The following RTN4 variants were observed in gnomAD, a reference collection of about 807,000 sequenced individuals.
RTN4 encodes reticulon-4.
A neutral mutation model predicts 90.4 loss-of-function variants in RTN4; 32 were observed. That is an observed-to-expected ratio of 0.35 (90% confidence interval 0.27 to 0.48). The LOEUF (loss-of-function observed/expected upper bound fraction) is 0.48, where lower values mean the gene tolerates loss of function less well. Ranked by LOEUF, RTN4 falls within the 20% of genes least tolerant of loss-of-function variation. The pLI, the probability that RTN4 is intolerant of heterozygous loss-of-function variation, is 0.99. For synonymous variants in RTN4, 629 were observed against 552.5 expected (o/e 1.14, Z -1.94); for missense variants, 1,706 against 1,430.2 (o/e 1.19, Z -3.11).
At chr2:55,115,963 T>G (rs1668117122), upstream of RTN4, among the ~76,000 whole-genome samples, 1 of 152,202 alleles carries the variant, frequency 6.6e-6, no homozygotes, top group Non-Finnish European at 1.5e-5. Context: ...GCTAGTAAGC[T>G]AGTGCTTTGT....
intron 1 of RTN4, among the ~76,000 whole-genome samples, chr2:55,035,492 T>G (rs1024656427): frequency 6.6e-6 from 1 of 152,190 alleles, no homozygotes; most frequent in East Asian, 1.9e-4. Context: ...GAGAAATGTA[T>G]AGCTTTTAAA....
At chr2:55,090,391 G>A (rs920385345) in intron 1 of RTN4, among the ~76,000 whole-genome samples, 1 of 152,182 alleles carries the variant, frequency 6.6e-6, no homozygotes. Context: ...CTTTAATGCA[G>A]TTCCCTGCAC....
rs149657075 is a variant in RTN4, at chr2:55,105,957, G to A, written c.-214+6563C>T. ...ATCATGCCACTGCAAGCCAGCCTGGGTGACAGGAGGAGACCCCCATCTCTA... is the reference window on the plus strand; with the variant it reads ...ATCATGCCACTGCAAGCCAGCCTGGATGACAGGAGGAGACCCCCATCTCTA... On this transcript the variant is annotated intron_variant, in intron 1 of 3. Transcript: ENST00000427710. 6.8e-4 allele frequency among the ~76,000 whole-genome samples: 104 copies of A among 152,212 alleles called. No homozygotes were observed. The East Asian group carries it at 0.02, about 29-fold the overall frequency.
intron 3 of RTN4, chr2:55,010,407 A>C (rs1680548501): frequency 1.7e-5 from 21 of 1,202,724 alleles, no homozygotes; most frequent in Non-Finnish European, 2.2e-5. Context: ...TGCTCATACC[A>C]AATGGAGCTG....
chr2:55,102,360 G>A (rs907974091), intron 1 of RTN4, among the ~76,000 whole-genome samples: 1 of 152,080 alleles, frequency 6.6e-6, no homozygotes, highest in African/African-American at 2.4e-5. Flanking sequence ...AGGATTTGTG[G>A]ACCATGGACC....
chr2:54,981,949 A>G (rs1678166552), intron 5 of RTN4, among the ~76,000 whole-genome samples: 1 of 151,390 alleles, frequency 6.6e-6, no homozygotes, highest in African/African-American at 2.4e-5. Context: ...AAGTATTACT[A>G]TATATATATA....
chr2:55,123,886 A>T, the RTN4 span, among the ~76,000 whole-genome samples: 1 of 152,124 alleles, frequency 6.6e-6, no homozygotes, highest in African/African-American at 2.4e-5. Flanking sequence ...GCCAGCCCTA[A>T]CCAGGACTAT....
At chr2:55,024,943 T>A in intron 3 of RTN4, 143 bp downstream of exon 3, 1 of 1,040,380 alleles carries the variant, frequency 9.6e-7, no homozygotes. Flanking sequence ...CACTAAAACC[T>A]TTAACTGAAA....
the RTN4 span, among the ~76,000 whole-genome samples, chr2:55,131,553 C>T: frequency 7.9e-5 from 12 of 152,206 alleles, no homozygotes; most frequent in Admixed American, 5.2e-4. Context: ...ATTCTTTTAC[C>T]GGTTTGAACA....
intron 6 of RTN4, chr2:54,974,293 T>C: frequency 4.2e-6 from 1 of 238,916 alleles, no homozygotes; most frequent in Non-Finnish European, 8.2e-6. Context: ...CTCAAACTTA[T>C]TTTGAGATGG....
chr2:54,999,312 T>A (rs1425690014), intron 3 of RTN4, among the ~76,000 whole-genome samples: 1 of 152,134 alleles, frequency 6.6e-6, no homozygotes, highest in Non-Finnish European at 1.5e-5. Context: ...AATCACAAAC[T>A]GTCATCTGCC....
At position 55,095,275 on chromosome 2, in the gene RTN4, G is replaced by A. The variant is rs568315408; in HGVS notation, c.-213-14636C>T. Among the ~76,000 whole-genome samples the A allele has an allele frequency of 3.9e-5, 6 of 151,904 alleles. No individual in the cohort carries two copies. In the South Asian group the frequency reaches 1.2e-3, roughly 32 times the overall value. On this transcript the variant is annotated intron_variant, in intron 1 of 3. Coordinates refer to the RTN4 transcript ENST00000427710. Reference sequence around the variant, plus strand: ...GCAGGCGGAAATTGCAGTGAGCCGAGATCGTGCCACTGCACTCTAGTCTGG... The same window carrying A: ...GCAGGCGGAAATTGCAGTGAGCCGAAATCGTGCCACTGCACTCTAGTCTGG...
chr2:54,997,262 C>T (rs1402506745), intron 3 of RTN4, among the ~76,000 whole-genome samples: 1 of 152,136 alleles, frequency 6.6e-6, no homozygotes, highest in African/African-American at 2.4e-5. Context: ...AAATACTCAA[C>T]ATCATTTAGT....
intron 1 of RTN4, among the ~76,000 whole-genome samples, chr2:55,098,973 C>T (rs573814848): frequency 5.3e-5 from 8 of 152,272 alleles, no homozygotes; most frequent in African/African-American, 1.7e-4. Flanking sequence ...TGGGTGTATT[C>T]TTCCTTCATC....
At chr2:55,001,757 C>A (rs896103898) in intron 3 of RTN4, among the ~76,000 whole-genome samples, 3 of 152,064 alleles carry the variant, frequency 2.0e-5, no homozygotes, top group African/African-American at 7.2e-5. Context: ...TAGGAAGAGC[C>A]CCCAGGAAAG....
chr2:55,108,247 A>T (rs1667978231), intron 1 of RTN4, among the ~76,000 whole-genome samples: 2 of 151,968 alleles, frequency 1.3e-5, no homozygotes, highest in Admixed American at 1.3e-4. Context: ...GAGCCAACCC[A>T]CCCAGCCCAG....
chr2:54,976,638 G>T (rs1677658920), intron 5 of RTN4, among the ~76,000 whole-genome samples: 1 of 152,278 alleles, frequency 6.6e-6, no homozygotes, highest in African/African-American at 2.4e-5. Flanking sequence ...CAGAAATAGT[G>T]GTTAAGTGTA....
chr2:54,981,245 C>A (rs957305530), intron 5 of RTN4, among the ~76,000 whole-genome samples: 7 of 150,668 alleles, frequency 4.6e-5, no homozygotes, highest in Admixed American at 6.6e-5. Flanking sequence ...CTGAAAATAA[C>A]GTATCAACTA....
intron 3 of RTN4, among the ~76,000 whole-genome samples, chr2:54,990,524 C>T (rs1033057590): frequency 2.0e-5 from 3 of 152,078 alleles, no homozygotes; most frequent in Non-Finnish European, 4.4e-5. Flanking sequence ...AATGTCAGTG[C>T]TATTTGTTGC....
Sources: gnomAD v4.1 joint callset for allele counts (sites outside exome capture counted in the v4.1 genomes callset) on GRCh38, gnomAD v4.1.1 for gene constraint, MANE v1.5 for transcripts, NCBI Gene and HGNC (gene_info 2026-07-23, HGNC 2026-07-21) for gene names.